The following FRMD3 variants were observed in gnomAD, a reference collection of about 807,000 sequenced individuals.
FRMD3 encodes the protein FERM domain-containing protein 3.
A neutral mutation model predicts 70.2 loss-of-function variants in FRMD3; 33 were observed. The ratio of observed to expected loss-of-function variants is 0.47; its 90% CI spans 0.36 to 0.63. The LOEUF (loss-of-function observed/expected upper bound fraction) is 0.63. Ranked by LOEUF, FRMD3 falls within the 20% of genes least tolerant of loss-of-function variation. The pLI is 0.00. For missense variants in FRMD3, 632 were observed against 711.4 expected (o/e 0.89, Z 1.27); for synonymous variants, 279 against 255.9 (o/e 1.09, Z -0.86).
At chr9:83,573,112 G>A in the FRMD3 span, among the ~76,000 whole-genome samples, 8 of 152,154 alleles carry the variant, frequency 5.3e-5, no homozygotes, top group African/African-American at 1.9e-4. Flanking sequence ...GATTGTGGAG[G>A]AATTTCTTTC....
rs1346443027 is a variant in FRMD3 at position 83,244,649 on chromosome 9, A to G, written c.*3269T>C. 1.0e-6 allele frequency: 1 copy of G among 984,834 alleles called. No homozygotes were observed. The allele number at this position is 984,834 out of a possible 1,614,324, so 61.0% of individuals were successfully genotyped here. A position where few individuals can be genotyped will look rare whatever the true frequency, so the allele number is the denominator to read the frequency against. On this transcript the variant is annotated 3_prime_UTR_variant, in exon 14 of 14. Transcript: ENST00000304195. ...TTACCCCAGAGTATTTTTATTAGGGATTCCTGCCACCATATTAACATATAA... is the reference window on the plus strand; with the variant it reads ...TTACCCCAGAGTATTTTTATTAGGGGTTCCTGCCACCATATTAACATATAA...
At chr9:83,441,853 T>C (rs1411400675) in intron 1 of FRMD3, among the ~76,000 whole-genome samples, 1 of 142,736 alleles carries the variant, frequency 7.0e-6, no homozygotes, top group African/African-American at 2.6e-5. Context: ...ACAGAATCCT[T>C]TGCTTTCCTT....
the FRMD3 span, among the ~76,000 whole-genome samples, chr9:83,580,487 T>TGAA: frequency 6.6e-6 from 1 of 152,138 alleles, no homozygotes; most frequent in South Asian, 2.1e-4. Flanking sequence ...TGGAGGACAG[T>TGAA]ATACTAAGTG....
intron 3 of FRMD3, among the ~76,000 whole-genome samples, chr9:83,362,152 C>A (rs994497709): frequency 1.3e-5 from 2 of 150,300 alleles, no homozygotes; most frequent in African/African-American, 4.9e-5. Context: ...GGCTTTACAC[C>A]AGAGCAAAAT....
chr9:83,345,199 G>A (rs1823914832), intron 4 of FRMD3, among the ~76,000 whole-genome samples: 1 of 152,150 alleles, frequency 6.6e-6, no homozygotes, highest in Non-Finnish European at 1.5e-5. Flanking sequence ...GGGGCATGGT[G>A]GAGGCTCAAA....
chr9:83,538,951 T>C (rs1275808199), upstream of FRMD3, among the ~76,000 whole-genome samples: 2 of 152,212 alleles, frequency 1.3e-5, no homozygotes, highest in Non-Finnish European at 2.9e-5. This position sits in a 1 kb window ranked among gnomAD's most constrained non-coding sequence, Gnocchi z 4.7. Context: ...AGTAAAAATC[T>C]CTGGTACTCA....
intron 1 of FRMD3, among the ~76,000 whole-genome samples, chr9:83,391,222 C>A (rs1825657406): frequency 6.6e-6 from 1 of 152,158 alleles, no homozygotes; most frequent in Non-Finnish European, 1.5e-5. Context: ...TCAAAAGAGA[C>A]AAAACATAAA....
At chr9:83,255,182 A>T (rs989400215) in intron 13 of FRMD3, among the ~76,000 whole-genome samples, 10 of 151,952 alleles carry the variant, frequency 6.6e-5, no homozygotes, top group Non-Finnish European at 1.0e-4. Context: ...CTTATCCACC[A>T]CAGTCAAGTT....
At chr9:83,323,144 G>A (rs1835865569) in intron 6 of FRMD3, among the ~76,000 whole-genome samples, 1 of 152,176 alleles carries the variant, frequency 6.6e-6, no homozygotes, top group Non-Finnish European at 1.5e-5. Context: ...AGTTGAACAT[G>A]TTTACCCTAT....
intron 1 of FRMD3, among the ~76,000 whole-genome samples, chr9:83,399,032 A>T (rs1825879506): frequency 6.6e-6 from 1 of 152,238 alleles, no homozygotes; most frequent in South Asian, 2.1e-4. Flanking sequence ...GCCCCTACAC[A>T]CTATGAGAAG....
At chr9:83,456,835 C>T (rs1827831451) in intron 1 of FRMD3, among the ~76,000 whole-genome samples, 1 of 152,000 alleles carries the variant, frequency 6.6e-6, no homozygotes, top group Non-Finnish European at 1.5e-5. Context: ...CAAAAATTAG[C>T]TGGGCATGGT....
At chr9:83,405,340 C>A (rs552472952) in intron 1 of FRMD3, among the ~76,000 whole-genome samples, 1 of 152,098 alleles carries the variant, frequency 6.6e-6, no homozygotes, top group Non-Finnish European at 1.5e-5. Context: ...GTTAGCAGAG[C>A]GCCACCCTGG....
At chr9:83,535,983 G>A (rs2131563935) in intron 1 of FRMD3, among the ~76,000 whole-genome samples, 1 of 152,258 alleles carries the variant, frequency 6.6e-6, no homozygotes, top group South Asian at 2.1e-4. Context: ...TTTGTTACCT[G>A]ATACCCGGAA....
At chr9:83,542,963 T>C (rs145261892), upstream of FRMD3, among the ~76,000 whole-genome samples, 1,000 of 152,180 alleles carry the variant, frequency 6.6e-3, 32 homozygotes, top group Non-Finnish European at 1.7e-3. Flanking sequence ...AAATAAATCA[T>C]TGACTCACAT....
Position 83,429,036 on chromosome 9 carries a change from G to A in FRMD3, c.148-39328C>T, listed in dbSNP as rs980398662. Reference sequence around the variant, plus strand: ...ATGGCCTCCTTAGGAAAAAATGAAAGCTAATTAAAATAATCTCTATTGAAT... The same window carrying A: ...ATGGCCTCCTTAGGAAAAAATGAAAACTAATTAAAATAATCTCTATTGAAT... On this transcript the variant is annotated intron_variant, in intron 1 of 13. Transcript: ENST00000304195. Among the ~76,000 whole-genome samples, 151 of 152,158 alleles carry A rather than the reference G, an allele frequency of 9.9e-4. 1 individual carries two copies. Among genetic ancestry groups the A allele is most frequent in the African/African-American group, 3.5e-3 (145 of 41,508 alleles).
intron 6 of FRMD3, among the ~76,000 whole-genome samples, chr9:83,315,024 C>T (rs1333913547): frequency 6.6e-6 from 1 of 152,134 alleles, no homozygotes; most frequent in Non-Finnish European, 1.5e-5. Context: ...TTCAGCTGTG[C>T]ACATTCTGCT....
At chr9:83,463,201 C>T (rs1564089573) in intron 1 of FRMD3, among the ~76,000 whole-genome samples, 2 of 152,192 alleles carry the variant, frequency 1.3e-5, no homozygotes, top group African/African-American at 4.8e-5. Flanking sequence ...GTTAACATTA[C>T]ATACTGAAAT....
At chr9:83,526,940 G>C (rs967185814) in intron 1 of FRMD3, among the ~76,000 whole-genome samples, 5 of 150,314 alleles carry the variant, frequency 3.3e-5, no homozygotes, top group Non-Finnish European at 7.4e-5. Flanking sequence ...CCTTCGGGGA[G>C]AATCAACAAA....
the FRMD3 span, among the ~76,000 whole-genome samples, chr9:83,572,489 T>G: frequency 6.6e-6 from 1 of 152,072 alleles, no homozygotes; most frequent in Non-Finnish European, 1.5e-5. Flanking sequence ...CATTTCTCAG[T>G]GAAAGAATAT....
Sources: allele counts gnomAD v4.1 joint callset (sites outside exome capture counted in the v4.1 genomes callset), GRCh38; gene constraint gnomAD v4.1.1; non-coding constraint Gnocchi (gnomAD v3.1); transcripts MANE v1.5; gene names NCBI Gene and HGNC (gene_info 2026-07-23, HGNC 2026-07-21).